Variants in IRAK1BP1 observed in about 807,000 individuals in gnomAD.
IRAK1BP1 encodes interleukin-1 receptor-associated kinase 1-binding protein 1.
A neutral mutation model predicts 28.0 loss-of-function variants in IRAK1BP1; 24 were observed. The observed-to-expected ratio is 0.86, with a 90% CI of 0.62 to 1.20. The LOEUF is 1.20. Ranked by LOEUF, IRAK1BP1 falls within the 50% of genes most tolerant of loss-of-function variation. The pLI, the probability that IRAK1BP1 is intolerant of heterozygous loss-of-function variation, is 0.00. For missense variants in IRAK1BP1, 336 were observed against 316.7 expected (o/e 1.06, Z -0.46); for synonymous variants, 131 against 116.3 (o/e 1.13, Z -0.81).
At chr6:78,967,126 T>G in the IRAK1BP1 span, among the ~76,000 whole-genome samples, 1 of 152,152 alleles carries the variant, frequency 6.6e-6, no homozygotes, top group South Asian at 2.1e-4. Flanking sequence ...CAAAAAGGAT[T>G]TAAAAGTTTA....
chr6:78,879,911 T>A (rs1461623826), intron 1 of IRAK1BP1, among the ~76,000 whole-genome samples: 3 of 152,174 alleles, frequency 2.0e-5, no homozygotes, highest in African/African-American at 7.2e-5. Context: ...ACATACAACC[T>A]TTAAGTAGAA....
chr6:78,948,900 A>G (rs1773980928), downstream of IRAK1BP1, among the ~76,000 whole-genome samples: 1 of 152,214 alleles, frequency 6.6e-6, no homozygotes, highest in African/African-American at 2.4e-5. Context: ...CTGACCATGA[A>G]GAAGGTGTCC....
chr6:78,904,615 CT>C (rs1420600407), downstream of IRAK1BP1, among the ~76,000 whole-genome samples: 1 of 152,104 alleles, frequency 6.6e-6, no homozygotes, highest in Admixed American at 6.5e-5. Flanking sequence ...AAGAGTAATG[CT>C]TTGTTCTTCC....
At chr6:78,920,748 T>C (rs1398232939) in intron 4 of IRAK1BP1, among the ~76,000 whole-genome samples, 2 of 152,054 alleles carry the variant, frequency 1.3e-5, no homozygotes, top group African/African-American at 2.4e-5. Context: ...TGACAAAGAC[T>C]CCAAAAGCAA....
chr6:78,977,563 G>A, the IRAK1BP1 span, among the ~76,000 whole-genome samples: 1 of 146,298 alleles, frequency 6.8e-6, no homozygotes, highest in South Asian at 2.4e-4. Context: ...AACTTTAAAT[G>A]ATGGAATAGT....
rs917154105 is a variant in IRAK1BP1, at chr6:78,932,676, C to T, written c.*68-12732C>T. Among the ~76,000 whole-genome samples the T allele has an allele frequency of 4.6e-5, 7 of 152,182 alleles. No individual in the cohort carries two copies. The South Asian group carries it at 1.5e-3, about 32-fold the overall frequency. ...TCAGGTGATCCACCCACCTTGGACTCCTAAAGTGCTGGGATTACAGGCGTG... is the reference window on the plus strand; with the variant it reads ...TCAGGTGATCCACCCACCTTGGACTTCTAAAGTGCTGGGATTACAGGCGTG... On this transcript the variant is annotated intron_variant and NMD_transcript_variant, in intron 4 of 4. Coordinates refer to the IRAK1BP1 transcript ENST00000606868.
chr6:78,867,568 G>A lies in IRAK1BP1; in HGVS notation c.-9G>A, dbSNP rs1165392260. 2 of 1,610,638 alleles carry A rather than the reference G, an allele frequency of 1.2e-6. No individual in the cohort carries two copies. Among genetic ancestry groups the A allele is most frequent in the Non-Finnish European group, 1.7e-6 (2 of 1,178,056 alleles). The stretch of plus-strand genomic sequence containing the variant: ...CGGTAGTTACTATGGAAACCCAGCT[G>A]CCATCGCTATGTCTCTGCAAAAGAC... On this transcript the variant is annotated 5_prime_UTR_variant, in exon 1 of 4. Transcript: ENST00000369940.
the IRAK1BP1 span, among the ~76,000 whole-genome samples, chr6:78,969,480 T>C: frequency 4.6e-5 from 7 of 152,318 alleles, no homozygotes; most frequent in South Asian, 1.4e-3. Flanking sequence ...AAAAGAAAAA[T>C]GTCAGTTTAG....
At chr6:78,964,833 G>A in the IRAK1BP1 span, among the ~76,000 whole-genome samples, 1 of 152,078 alleles carries the variant, frequency 6.6e-6, no homozygotes, top group Non-Finnish European at 1.5e-5. Flanking sequence ...ATAGAATAAC[G>A]TAAAAGAATT....
intron 2 of IRAK1BP1, among the ~76,000 whole-genome samples, chr6:78,896,639 G>A (rs1373137210): frequency 6.6e-6 from 1 of 151,930 alleles, no homozygotes; most frequent in African/African-American, 2.4e-5. Context: ...TGTTATGGTG[G>A]TTACAAAGTT....
At chr6:78,905,529 A>T (rs2127658970), downstream of IRAK1BP1, among the ~76,000 whole-genome samples, 1 of 152,336 alleles carries the variant, frequency 6.6e-6, no homozygotes, top group Admixed American at 6.5e-5. Flanking sequence ...GTGTGGCATG[A>T]TAGGGCCTAT....
At chr6:78,945,854 T>C (rs1277386576) in exon 5 of IRAK1BP1, 1 of 666,294 alleles carries the variant, frequency 1.5e-6, no homozygotes, top group Non-Finnish European at 2.5e-6. Context: ...ATTAAAAACT[T>C]TTTTTTAAAA....
chr6:78,915,401 T>C (rs922950672), intron 4 of IRAK1BP1, among the ~76,000 whole-genome samples: 5 of 152,190 alleles, frequency 3.3e-5, no homozygotes, highest in African/African-American at 7.2e-5. Flanking sequence ...TAAAGCATGT[T>C]ATAGTGGCCA....
At position 78,946,203 on chromosome 6, in the gene IRAK1BP1, A is replaced by G. The variant is rs757702634; in HGVS notation, c.*863A>G. On this transcript the variant is annotated 3_prime_UTR_variant and NMD_transcript_variant, in exon 5 of 5. Coordinates refer to the IRAK1BP1 transcript ENST00000606868. ...TTGATCGTGTAGGTGTAGAGAATGC[A>G]GAGGTAGAGCTTTCTGATTTTAGCT... The G allele has an allele frequency of 1.2e-6, 2 of 1,612,852 alleles. No individual in the cohort carries two copies. The highest frequency in any genetic ancestry group is 1.7e-4 in the Middle Eastern group (1 of 6,060).
At chr6:78,955,246 T>C in the IRAK1BP1 span, 2 of 1,608,408 alleles carry the variant, frequency 1.2e-6, no homozygotes, top group Non-Finnish European at 1.7e-6. Flanking sequence ...CTTTTTCGAG[T>C]AGAAGTTCCT....
At chr6:78,933,839 TTTC>T (rs1194284556) in intron 4 of IRAK1BP1, among the ~76,000 whole-genome samples, 1 of 152,152 alleles carries the variant, frequency 6.6e-6, no homozygotes, top group Admixed American at 6.5e-5. Flanking sequence ...GGTTGCTTGC[TTTC>T]TTATCATTCA....
chr6:78,951,730 G>A, the IRAK1BP1 span, among the ~76,000 whole-genome samples: 3 of 152,130 alleles, frequency 2.0e-5, no homozygotes, highest in Non-Finnish European at 4.4e-5. Flanking sequence ...AAAGATGACT[G>A]CATTCTTATA....
intron 2 of IRAK1BP1, among the ~76,000 whole-genome samples, chr6:78,895,479 T>G (rs1220184425): frequency 1.3e-5 from 2 of 152,154 alleles, no homozygotes; most frequent in Non-Finnish European, 2.9e-5. Flanking sequence ...ATTTAATGAT[T>G]TATACACATA....
chr6:78,905,237 C>T (rs1772231695), downstream of IRAK1BP1, among the ~76,000 whole-genome samples: 1 of 151,054 alleles, frequency 6.6e-6, no homozygotes, highest in African/African-American at 2.5e-5. Context: ...TTAGACACTT[C>T]ATTGACCAAT....
Sources: allele counts gnomAD v4.1 joint callset (sites outside exome capture counted in the v4.1 genomes callset), GRCh38; gene constraint gnomAD v4.1.1; transcripts MANE v1.5; gene names NCBI Gene and HGNC (gene_info 2026-07-23, HGNC 2026-07-21).